Variants in RBFOX1 observed in about 807,000 individuals in gnomAD.
RBFOX1 encodes RNA binding fox-1 homolog 1.
Under a neutral mutation model 57.7 loss-of-function variants are expected in RBFOX1, and 8 were observed. The ratio of observed to expected loss-of-function variants is 0.14; its 90% CI spans 0.08 to 0.25. RBFOX1 has a LOEUF of 0.25. RBFOX1 is among the 10% of genes least tolerant of loss of function. The pLI, the probability that RBFOX1 is intolerant of heterozygous loss-of-function variation, is 1.00. For synonymous variants in RBFOX1, 326 were observed against 222.4 expected (o/e 1.47, Z -4.15); for missense variants, 611 against 548.5 (o/e 1.11, Z -1.14).
At chr16:6,809,809 T>C (rs12931063) in intron 3 of RBFOX1, among the ~76,000 whole-genome samples, 37,852 of 152,106 alleles carry the variant, frequency 0.25, 4,783 homozygotes, top group South Asian at 0.29. Context: ...CCAAAAATCT[T>C]ATTCCAATTC....
chr16:5,764,764 C>T (rs2053717509), intron 3 of RBFOX1, among the ~76,000 whole-genome samples: 1 of 151,882 alleles, frequency 6.6e-6, no homozygotes, highest in African/African-American at 2.4e-5. Context: ...TGAAGAAAAT[C>T]TGCCCTGCCT....
At chr16:5,709,996 C>T (rs980484262) in intron 3 of RBFOX1, among the ~76,000 whole-genome samples, 1 of 149,950 alleles carries the variant, frequency 6.7e-6, no homozygotes, top group African/African-American at 2.5e-5. Flanking sequence ...CTAACTCAGG[C>T]GCATTGGGTT....
intron 2 of RBFOX1, among the ~76,000 whole-genome samples, chr16:6,561,016 C>G (rs540832234): frequency 1.2e-4 from 19 of 152,318 alleles, no homozygotes; most frequent in East Asian, 3.9e-4. Context: ...CAACTTCAAA[C>G]GCACCCTCCA....
chr16:6,873,429 C>A (rs188129227), intron 3 of RBFOX1, among the ~76,000 whole-genome samples: 63 of 152,210 alleles, frequency 4.1e-4, no homozygotes, highest in African/African-American at 1.4e-3. Context: ...CTATGACTAC[C>A]TATTTCAAAT....
intron 3 of RBFOX1, among the ~76,000 whole-genome samples, chr16:6,753,679 G>A (rs1181856401): frequency 6.6e-6 from 1 of 152,138 alleles, no homozygotes; most frequent in Non-Finnish European, 1.5e-5. Flanking sequence ...CTGTCTCCCC[G>A]TGAGAAGCCT....
At chr16:5,729,675 C>T (rs2052290332) in intron 3 of RBFOX1, among the ~76,000 whole-genome samples, 1 of 152,148 alleles carries the variant, frequency 6.6e-6, no homozygotes. Flanking sequence ...CCACAAACTC[C>T]ACTCAGGTAT....
intron 4 of RBFOX1, among the ~76,000 whole-genome samples, chr16:7,459,123 TG>T (rs1271607882): frequency 2.0e-5 from 3 of 151,864 alleles, no homozygotes; most frequent in Non-Finnish European, 4.4e-5. Flanking sequence ...AACAGTTGGG[TG>T]GGTGAGTGGA....
At chr16:6,735,369 C>G (rs947127871) in intron 3 of RBFOX1, among the ~76,000 whole-genome samples, 1 of 152,136 alleles carries the variant, frequency 6.6e-6, no homozygotes, top group African/African-American at 2.4e-5. Context: ...GAGCTTGTAC[C>G]TACTATTCAG....
intron 3 of RBFOX1, among the ~76,000 whole-genome samples, chr16:7,018,898 C>T (rs545423856): frequency 2.0e-5 from 3 of 152,224 alleles, no homozygotes; most frequent in African/African-American, 7.2e-5. Context: ...GTGGGAGGAT[C>T]TCTTGAGCTC....
At chr16:5,385,837 A>G (rs557326880) in intron 1 of RBFOX1, among the ~76,000 whole-genome samples, 2 of 152,308 alleles carry the variant, frequency 1.3e-5, no homozygotes, top group South Asian at 4.1e-4. Flanking sequence ...GAAATTGACA[A>G]GAGGTGAATG....
intron 10 of RBFOX1, among the ~76,000 whole-genome samples, 180 bp from the exon 11 acceptor site, chr16:7,630,423 G>GTGTTAGAGAGCA (rs2060762881): frequency 6.6e-6 from 1 of 151,984 alleles, no homozygotes; most frequent in Non-Finnish European, 1.5e-5. Flanking sequence ...GTGGTGGGTG[G>GTGTTAGAGAGCA]GGGGGCTTCC....
intron 2 of RBFOX1, among the ~76,000 whole-genome samples, chr16:6,572,008 T>G (rs559062137): frequency 2.0e-5 from 3 of 152,258 alleles, no homozygotes; most frequent in South Asian, 4.2e-4. Context: ...TTTTATACCT[T>G]TACATGGCCT....
chr16:7,222,248 T>G (rs2092785169), intron 4 of RBFOX1, among the ~76,000 whole-genome samples: 1 of 152,154 alleles, frequency 6.6e-6, no homozygotes, highest in Non-Finnish European at 1.5e-5. Context: ...CTTGTTTACT[T>G]TACATGAGGG....
chr16:5,480,338 C>T (rs978445774), intron 2 of RBFOX1, among the ~76,000 whole-genome samples: 3 of 151,844 alleles, frequency 2.0e-5, no homozygotes, highest in African/African-American at 7.3e-5. Flanking sequence ...ACTACACATC[C>T]ATAAACACCT....
intron 2 of RBFOX1, among the ~76,000 whole-genome samples, chr16:6,626,080 C>T (rs892349354): frequency 5.3e-5 from 8 of 151,492 alleles, no homozygotes; most frequent in African/African-American, 1.5e-4. Context: ...TCTGAAGTCA[C>T]ACCAATATGC....
chr16:7,627,725 C>T (rs758152815), intron 10 of RBFOX1, among the ~76,000 whole-genome samples: 9 of 152,168 alleles, frequency 5.9e-5, no homozygotes, highest in Non-Finnish European at 1.2e-4. Context: ...ATGGAGGTTG[C>T]AGTGTTCTCT....
intron 2 of RBFOX1, among the ~76,000 whole-genome samples, chr16:6,599,976 G>A (rs1310088027): frequency 2.0e-5 from 3 of 152,172 alleles, no homozygotes; most frequent in Admixed American, 1.3e-4. Context: ...AGTAAGGTAT[G>A]CAACATGTTG....
intron 4 of RBFOX1, among the ~76,000 whole-genome samples, chr16:7,173,050 T>G (rs1303822838): frequency 6.6e-6 from 1 of 152,120 alleles, no homozygotes; most frequent in Non-Finnish European, 1.5e-5. Context: ...AATAAGATAT[T>G]AGTACCCAAC....
At chr16:5,783,139 T>A (rs2054380167) in intron 3 of RBFOX1, among the ~76,000 whole-genome samples, 2 of 150,062 alleles carry the variant, frequency 1.3e-5, no homozygotes, top group South Asian at 2.2e-4. Context: ...TAAATATTTT[T>A]AAATTGTGAT....
Sources: allele counts gnomAD v4.1 joint callset (sites outside exome capture counted in the v4.1 genomes callset), GRCh38; gene constraint gnomAD v4.1.1; transcripts MANE v1.5; gene names NCBI Gene and HGNC (gene_info 2026-07-23, HGNC 2026-07-21).